Variants in ANKRD30A observed in about 807,000 individuals in gnomAD.
The protein encoded by ANKRD30A is ankyrin repeat domain-containing protein 30A.
ANKRD30A carries 170 observed loss-of-function variants against 166.3 expected under a neutral mutation model. The ratio of observed to expected loss-of-function variants is 1.02; its 90% CI spans 0.90 to 1.16. ANKRD30A has a LOEUF of 1.16. Among genes scored for constraint, ANKRD30A ranks in the 50% most tolerant of loss-of-function variants. The probability of loss-of-function intolerance (pLI) is 0.00; values close to 1 mark genes in which losing one functional copy is unlikely to be tolerated. For synonymous variants in ANKRD30A, 564 were observed against 508.9 expected, an observed-to-expected ratio of 1.11 and a Z score of -1.46; for missense variants, 1,630 against 1,518.0, an observed-to-expected ratio of 1.07 and a Z score of -1.23.
Position 37,217,777 on chromosome 10 carries a change from G to A in ANKRD30A, c.3166G>A (p.Glu1056Lys), listed in dbSNP as rs746442980. The A allele has an allele frequency of 2.0e-5, 32 of 1,597,360 alleles. No individual in the cohort carries two copies. Among genetic ancestry groups the A allele is most frequent in the Admixed American group, 6.9e-5 (4 of 58,028 alleles). Reference sequence around the variant, plus strand: ...AATTAGGGAAGAATTAGGAAGAATCGAAGAGCAGCATAGGAAAGAGTTAGA... The same window carrying A: ...AATTAGGGAAGAATTAGGAAGAATCAAAGAGCAGCATAGGAAAGAGTTAGA... The part of the protein sequence containing the change: ...EKIREELGRI[E>K]EQHRKELEVK... Residue 1056 changes from glutamate to lysine, a missense_variant, in exon 33 of 36, where the codon GAA (glutamate) becomes AAA (lysine). By Grantham distance (56) the Glu-to-Lys change is moderately conservative (BLOSUM62 1). Transcript: ENST00000361713.
At chr10:37,261,471 G>T in the ANKRD30A span, among the ~76,000 whole-genome samples, 2 of 152,158 alleles carry the variant, frequency 1.3e-5, no homozygotes, top group Middle Eastern at 3.4e-3. Flanking sequence ...TCCAAATTTA[G>T]CAAAGAATTA....
At chr10:37,144,108 T>C (rs1176733624) in intron 7 of ANKRD30A, among the ~76,000 whole-genome samples, 2 of 152,114 alleles carry the variant, frequency 1.3e-5, no homozygotes, top group South Asian at 2.1e-4. Flanking sequence ...CCGTAGTAAT[T>C]GGTAGGGTTT....
chr10:37,261,683 C>T, the ANKRD30A span, among the ~76,000 whole-genome samples: 8 of 152,112 alleles, frequency 5.3e-5, no homozygotes, highest in African/African-American at 1.9e-4. Context: ...TTTAGACAGA[C>T]TATAAGATGC....
rs1489072936 is a variant in ANKRD30A, at chr10:37,158,717, A to G, written c.1900+131A>G. The G allele has an allele frequency of 3.0e-6, 4 of 1,340,348 alleles. No individual in the cohort carries two copies. The South Asian group carries it at 4.5e-5, about 15-fold the overall frequency. The allele number at this position is 1,340,348 out of a possible 1,614,324, so 83.0% of individuals were successfully genotyped here. A position where few individuals can be genotyped will look rare whatever the true frequency, so the allele number is the denominator to read the frequency against. On this transcript the variant is annotated intron_variant, in intron 15 of 35. Coordinates refer to ENST00000361713, the MANE Select transcript of ANKRD30A (RefSeq NM_052997.3). ...GGGATATTTTGATACAATAATGCCAATGTGAGTATTTCTGTTTGAGAAAAT... is the reference window on the plus strand; with the variant it reads ...GGGATATTTTGATACAATAATGCCAGTGTGAGTATTTCTGTTTGAGAAAAT...
In ANKRD30A at chr10:37,194,676, A is replaced by G. The variant is rs1349979962; in HGVS notation, c.2614+1418A>G. On this transcript the variant is annotated intron_variant, in intron 27 of 35. Coordinates refer to ENST00000361713, the MANE Select transcript of ANKRD30A (RefSeq NM_052997.3). ...TGAAATTTTCAATAAATAGTTGTACACTGTACGTATTGTCCTGGAACTTCC... is the reference window on the plus strand; with the variant it reads ...TGAAATTTTCAATAAATAGTTGTACGCTGTACGTATTGTCCTGGAACTTCC... 8.5e-5 allele frequency among the ~76,000 whole-genome samples: 13 copies of G among 152,192 alleles called. No homozygotes were observed. In the East Asian group the frequency reaches 1.4e-3, roughly 16 times the overall value.
At chr10:37,141,662 G>A in intron 6 of ANKRD30A, 56 bp from the exon 7 acceptor site, 1 of 1,593,474 alleles carries the variant, frequency 6.3e-7, no homozygotes, top group Non-Finnish European at 8.5e-7. Flanking sequence ...CAGGTGAAGA[G>A]TCAGGAGGAT....
At chr10:37,238,160 T>C in the ANKRD30A span, among the ~76,000 whole-genome samples, 5 of 152,086 alleles carry the variant, frequency 3.3e-5, no homozygotes, top group Admixed American at 2.0e-4. Flanking sequence ...CCCTTTTCTC[T>C]CTGAGCATTC....
chr10:37,130,466 T>C, intron 3 of ANKRD30A, 88 bp downstream of exon 3: 1 of 1,043,542 alleles, frequency 9.6e-7, no homozygotes, highest in Non-Finnish European at 1.3e-6. Flanking sequence ...ATTTGGAAGC[T>C]CAAACATTCC....
chr10:37,160,766 G>T (rs1275052551), intron 15 of ANKRD30A, among the ~76,000 whole-genome samples: 1 of 152,212 alleles, frequency 6.6e-6, no homozygotes, highest in East Asian at 1.9e-4. Context: ...AAGTAGTTCA[G>T]TTTATGGTCT....
At chr10:37,206,548 G>C (rs916962745) in intron 31 of ANKRD30A, among the ~76,000 whole-genome samples, 1 of 152,106 alleles carries the variant, frequency 6.6e-6, no homozygotes, top group East Asian at 1.9e-4. Context: ...CCAGCACTTT[G>C]GGAGGCCAAG....
intron 34 of ANKRD30A, among the ~76,000 whole-genome samples, chr10:37,227,853 T>A (rs1843232203): frequency 6.6e-6 from 1 of 152,016 alleles, no homozygotes; most frequent in Non-Finnish European, 1.5e-5. Flanking sequence ...CATCTGTAGA[T>A]GTTATCCATC....
downstream of ANKRD30A, among the ~76,000 whole-genome samples, chr10:37,233,144 AT>A (rs903360811): frequency 6.6e-6 from 1 of 152,062 alleles, no homozygotes; most frequent in Non-Finnish European, 1.5e-5. Context: ...AGAGGAGCAA[AT>A]CTAAGCTTTC....
intron 31 of ANKRD30A, among the ~76,000 whole-genome samples, chr10:37,205,343 G>C (rs113764710): frequency 6.6e-6 from 1 of 150,954 alleles, no homozygotes; most frequent in South Asian, 2.1e-4. Context: ...GCAAACTATC[G>C]CAAGGACAGA....
At position 37,125,881 on chromosome 10, in the gene ANKRD30A, T is replaced by C; in HGVS notation, c.94T>C (p.Tyr32His). The part of the protein sequence containing the change: ...SQLVYTSNDS[Y>H]IVHSGDLRKI... Reference sequence around the variant, plus strand: ...GCTAGTCTATACCAGCAACGACTCCTACATCGTCCACTCTGGGGATCTTAG... The same window carrying C: ...GCTAGTCTATACCAGCAACGACTCCCACATCGTCCACTCTGGGGATCTTAG... The change falls in exon 1 of 36, where the codon TAC becomes CAC. Residue 32 changes from tyrosine to histidine, a missense_variant. Physicochemically the swap from Tyr to His is moderately conservative, Grantham distance 83 (BLOSUM62 2). Around this residue, in one of 4 missense-constraint regions of ANKRD30A, gnomAD observed 904 missense variants for 818.5 expected, o/e 1.10. Coordinates refer to ENST00000361713, the MANE Select transcript of ANKRD30A (RefSeq NM_052997.3). 7 of 1,546,158 alleles carry C rather than the reference T, an allele frequency of 4.5e-6. No homozygotes were observed. The highest frequency in any genetic ancestry group is 6.2e-6 in the Non-Finnish European group (7 of 1,122,304).
the ANKRD30A span, among the ~76,000 whole-genome samples, chr10:37,245,034 T>C: frequency 1.3e-4 from 20 of 152,304 alleles, 2 homozygotes; most frequent in East Asian, 3.7e-3. Flanking sequence ...AGGATTTTGA[T>C]TGGAATTTCA....
rs1206460102 is a variant in ANKRD30A at position 37,126,940 on chromosome 10, G to A, written c.221+932G>A. The stretch of plus-strand genomic sequence containing the variant: ...CGGGTGCCTGTAATCCCAGCTACTG[G>A]GGAGGCTGAGGCGGGAGAATCGCTT... On this transcript the variant is annotated intron_variant, in intron 1 of 35. Coordinates refer to ENST00000361713, the MANE Select transcript of ANKRD30A (RefSeq NM_052997.3). Among the ~76,000 whole-genome samples, 10 of 150,874 alleles carry A rather than the reference G, an allele frequency of 6.6e-5. No homozygotes were observed. The East Asian group carries it at 1.4e-3, about 21-fold the overall frequency.
the ANKRD30A span, among the ~76,000 whole-genome samples, chr10:37,243,188 G>T: frequency 1.4e-5 from 2 of 146,844 alleles, no homozygotes; most frequent in African/African-American, 5.1e-5. Context: ...AGGCTGGAGT[G>T]CAGTGGCACG....
chr10:37,158,929 T>A (rs1281302453), intron 15 of ANKRD30A, among the ~76,000 whole-genome samples: 1 of 152,196 alleles, frequency 6.6e-6, no homozygotes. Flanking sequence ...GGAATTCCGA[T>A]CTTTACTTAG....
intron 8 of ANKRD30A, among the ~76,000 whole-genome samples, 180 bp from the exon 9 acceptor site, chr10:37,147,190 T>C (rs1378611477): frequency 3.0e-5 from 2 of 67,108 alleles, no homozygotes; most frequent in African/African-American, 1.0e-4. Context: ...AACAGATAAG[T>C]TTTGATATAG....
Sources: gnomAD v4.1 joint callset for allele counts (sites outside exome capture counted in the v4.1 genomes callset) on GRCh38, gnomAD v4.1.1 for gene constraint, gnomAD v4.1.1 regional missense constraint, MANE v1.5 for transcripts, NCBI Gene and HGNC (gene_info 2026-07-23, HGNC 2026-07-21) for gene names.